Variants in SESN2 observed in about 807,000 individuals in gnomAD.
The protein encoded by SESN2 is sestrin-2.
SESN2 carries 42 observed loss-of-function variants against 56.0 expected under a neutral mutation model. The ratio of observed to expected loss-of-function variants is 0.75; its 90% CI spans 0.59 to 0.97. The LOEUF is 0.97. Among genes scored for constraint, SESN2 ranks in the 50% least tolerant of loss-of-function variants. The probability of loss-of-function intolerance (pLI) is 0.00; values close to 1 mark genes in which losing one functional copy is unlikely to be tolerated. For missense variants in SESN2, 507 were observed against 649.4 expected, an observed-to-expected ratio of 0.78 and a Z score of 2.38; for synonymous variants, 264 against 267.1, an observed-to-expected ratio of 0.99 and a Z score of 0.11.
In SESN2 at chr1:28,259,902, GC is replaced by G. The variant is rs1399326334; in HGVS notation, c.59del (p.Pro20ArgfsTer51). 4 of 1,463,290 alleles carry G rather than the reference GC, an allele frequency of 2.7e-6. No homozygotes were observed. The highest frequency in any genetic ancestry group is 1.3e-5 in the South Asian group (1 of 75,350). The allele number at this position is 1,463,290 out of a possible 1,614,324, so 90.6% of individuals were successfully genotyped here. ...AGAGCTCAAGGACTACCTGCGGTTC[GC>G]CCCGGGCGGCGTCGGCGACTCGGGC... ...RAELKDYLRF[A>X]PGGVGDSGPG... On this transcript the variant is annotated frameshift_variant, in exon 1 of 10. Coordinates refer to ENST00000253063, the MANE Select transcript of SESN2 (RefSeq NM_031459.5). LOFTEE classifies it high-confidence loss of function.
chr1:28,279,018 T>C, intron 8 of SESN2, 79 bp from the exon 9 acceptor site: 1 of 1,427,416 alleles, frequency 7.0e-7, no homozygotes, highest in Non-Finnish European at 9.8e-7. Flanking sequence ...TGTTCTTCCC[T>C]CTGTAGGGTG....
rs942993721 is a variant in SESN2, at chr1:28,272,012, GT to G, written c.354+147del. 5.3e-5 allele frequency: 48 copies of G among 910,882 alleles called. No homozygotes were observed. The Admixed American group carries it at 1.1e-3, about 21-fold the overall frequency. The allele number at this position is 910,882 out of a possible 1,614,324, so 56.4% of individuals were successfully genotyped here. A position where few individuals can be genotyped will look rare whatever the true frequency, so the allele number is the denominator to read the frequency against. ...GCTTTATCTAACTGTAGAGTTTTGG[GT>G]TTTTTGTTTTTATTTTTTCTCAGAA... On this transcript the variant is annotated intron_variant, in intron 3 of 9. Transcript: ENST00000253063.
intron 6 of SESN2, 47 bp from the exon 7 acceptor site, chr1:28,273,993 G>C (rs748985099): frequency 8.1e-7 from 1 of 1,234,908 alleles, no homozygotes; most frequent in South Asian, 1.2e-5. Context: ...ATGGACCCCT[G>C]CATGCCCCAT....
intron 8 of SESN2, among the ~76,000 whole-genome samples, chr1:28,276,905 T>A (rs1261002799): frequency 6.8e-6 from 1 of 146,450 alleles, no homozygotes; most frequent in Non-Finnish European, 1.5e-5. Flanking sequence ...TTTAATTTAT[T>A]TATTTATTTC....
At chr1:28,272,819 CG>C in intron 5 of SESN2, 26 bp downstream of exon 5, 1 of 1,416,960 alleles carries the variant, frequency 7.1e-7, no homozygotes, top group Non-Finnish European at 9.8e-7. Context: ...GGGTCTTGAT[CG>C]GGGAGGAAGC....
intron 1 of SESN2, among the ~76,000 whole-genome samples, chr1:28,265,677 G>T (rs1002180225): frequency 2.0e-5 from 3 of 152,174 alleles, no homozygotes; most frequent in Admixed American, 1.3e-4. Context: ...TTTCAGGCGT[G>T]AGCCACTGCG....
chr1:28,265,677 G>A (rs1002180225), intron 1 of SESN2, among the ~76,000 whole-genome samples: 1 of 152,174 alleles, frequency 6.6e-6, no homozygotes, highest in Admixed American at 6.5e-5. Flanking sequence ...TTTCAGGCGT[G>A]AGCCACTGCG....
chr1:28,262,272 G>T (rs71642227), intron 1 of SESN2, among the ~76,000 whole-genome samples: 18,256 of 152,132 alleles, frequency 0.12, 1,433 homozygotes, highest in Non-Finnish European at 0.17. Context: ...CCTTTCAGGA[G>T]CTCATTGCCT....
chr1:28,278,267 T>G (rs1392082449), intron 8 of SESN2, among the ~76,000 whole-genome samples: 2 of 152,164 alleles, frequency 1.3e-5, no homozygotes, highest in African/African-American at 4.8e-5. Context: ...TAGGCAGAGC[T>G]GGGTTTAAAA....
chr1:28,260,675 TC>T (rs1303236323), intron 1 of SESN2, among the ~76,000 whole-genome samples: 1 of 151,120 alleles, frequency 6.6e-6, no homozygotes, highest in Non-Finnish European at 1.5e-5. Context: ...CAGAAATTCC[TC>T]CCCCACCCTC....
At chr1:28,278,209 C>T (rs919420950) in intron 8 of SESN2, among the ~76,000 whole-genome samples, 5 of 152,242 alleles carry the variant, frequency 3.3e-5, no homozygotes, top group Non-Finnish European at 4.4e-5. Flanking sequence ...ACCTCCTCCT[C>T]TACCTTCCAT....
intron 2 of SESN2, 38 bp from the exon 3 acceptor site, chr1:28,271,636 G>A: frequency 1.3e-6 from 2 of 1,550,694 alleles, no homozygotes; most frequent in Non-Finnish European, 1.8e-6. Context: ...GAGTGGGGCA[G>A]GAGGGAAACC....
intron 1 of SESN2, among the ~76,000 whole-genome samples, chr1:28,268,240 T>A (rs1433804450): frequency 6.6e-6 from 1 of 151,702 alleles, no homozygotes. Flanking sequence ...GTTAATGAGG[T>A]GGTGGTGGTG....
chr1:28,269,154 A>T, intron 1 of SESN2, 29 bp from the exon 2 acceptor site: 1 of 1,571,126 alleles, frequency 6.4e-7, no homozygotes, highest in Non-Finnish European at 8.7e-7. Context: ...CCCTTCTACT[A>T]CGGACTAACC....
intron 1 of SESN2, 41 bp from the exon 2 acceptor site, chr1:28,269,142 C>G (rs769150390): frequency 8.2e-6 from 12 of 1,462,888 alleles, no homozygotes; most frequent in Non-Finnish European, 1.1e-5. Context: ...CCTCTTTATT[C>G]TCCCTTCTAC....
chr1:28,262,621 C>CAAAAA (rs71027268), intron 1 of SESN2, among the ~76,000 whole-genome samples: 12,035 of 52,186 alleles, frequency 0.23, 1,707 homozygotes, highest in African/African-American at 0.31. Context: ...GAGTCTGTCT[C>CAAAAA]AAAAAAAAAA....
chr1:28,271,933 C>T, intron 3 of SESN2, 62 bp downstream of exon 3: 3 of 1,496,802 alleles, frequency 2.0e-6, no homozygotes, highest in African/African-American at 2.8e-5. Flanking sequence ...GTCCTTTGAT[C>T]TCTTTTCTGG....
chr1:28,262,340 G>A (rs1209076594), intron 1 of SESN2, among the ~76,000 whole-genome samples: 3 of 152,166 alleles, frequency 2.0e-5, no homozygotes, highest in Admixed American at 6.5e-5. Flanking sequence ...TGGTAGTATT[G>A]GGCTCCCGAA....
At chr1:28,275,611 G>A (rs1391917966) in intron 8 of SESN2, among the ~76,000 whole-genome samples, 1 of 151,884 alleles carries the variant, frequency 6.6e-6, no homozygotes, top group Non-Finnish European at 1.5e-5. Context: ...AATTAGCTGG[G>A]TGTGGTGGTA....
Sources: gnomAD v4.1 joint callset for allele counts (sites outside exome capture counted in the v4.1 genomes callset) on GRCh38, gnomAD v4.1.1 for gene constraint, MANE v1.5 for transcripts, NCBI Gene and HGNC (gene_info 2026-07-23, HGNC 2026-07-21) for gene names.